The following LTAP1 variants were observed in gnomAD, a reference collection of about 807,000 sequenced individuals.
LTAP1 encodes the protein lipid transport auxiliary protein 1.
At chr1:154,214,192 G>A in the LTAP1 span, among the ~76,000 whole-genome samples, 1 of 152,152 alleles carries the variant, frequency 6.6e-6, no homozygotes, top group Non-Finnish European at 1.5e-5. Context: ...TAGAAGAATT[G>A]CTTGAACAAG....
the LTAP1 span, chr1:154,207,526 C>G: frequency 6.2e-7 from 1 of 1,614,212 alleles, no homozygotes; most frequent in African/African-American, 1.3e-5. Context: ...GGCACGTTTA[C>G]TCTTCTGACT....
the LTAP1 span, among the ~76,000 whole-genome samples, chr1:154,210,452 C>G: frequency 0.014 from 2,172 of 152,206 alleles, 33 homozygotes; most frequent in Non-Finnish European, 0.023. Flanking sequence ...TAGCAGAAAA[C>G]AGATTATTTT....
the LTAP1 span, among the ~76,000 whole-genome samples, chr1:154,218,120 T>A: frequency 7.9e-5 from 12 of 152,176 alleles, no homozygotes; most frequent in Non-Finnish European, 1.6e-4. Context: ...AAGTGGACAT[T>A]TGAATTAAGT....
chr1:154,212,502 CA>C, the LTAP1 span: 1 of 1,614,178 alleles, frequency 6.2e-7, no homozygotes. Flanking sequence ...AAAAGGGTAT[CA>C]ATGAGTGCTT....
chr1:154,215,097 G>C, the LTAP1 span, among the ~76,000 whole-genome samples: 1 of 151,912 alleles, frequency 6.6e-6, no homozygotes, highest in Admixed American at 6.6e-5. Context: ...CGCCTGCCTT[G>C]GCCTCCCAAA....
At chr1:154,207,826 C>T in the LTAP1 span, among the ~76,000 whole-genome samples, 3 of 152,078 alleles carry the variant, frequency 2.0e-5, no homozygotes, top group Non-Finnish European at 2.9e-5. Context: ...AGAGGCTGAG[C>T]GCGGTGGCTC....
At chr1:154,208,631 GTATGA>G in the LTAP1 span, 1 of 152,094 alleles carries the variant, frequency 6.6e-6, no homozygotes, top group South Asian at 2.1e-4. Flanking sequence ...TAATTAGCTT[GTATGA>G]GGTCACAAAA....
At chr1:154,220,290 T>C in the LTAP1 span, 1 of 1,600,276 alleles carries the variant, frequency 6.2e-7, no homozygotes, top group South Asian at 1.1e-5. Context: ...AAAAGGAGGG[T>C]CTCTACTGGG....
chr1:154,217,190 C>A, the LTAP1 span, among the ~76,000 whole-genome samples: 1 of 151,868 alleles, frequency 6.6e-6, no homozygotes, highest in South Asian at 2.1e-4. Flanking sequence ...CTCAGGTGAT[C>A]CACCTGCCTC....
the LTAP1 span, among the ~76,000 whole-genome samples, chr1:154,208,307 G>A: frequency 3.3e-5 from 5 of 152,004 alleles, no homozygotes; most frequent in Admixed American, 2.0e-4. Flanking sequence ...GAGGCAGGAG[G>A]ATCGCTTGAA....
chr1:154,220,239 G>A, the LTAP1 span: 1 of 1,388,930 alleles, frequency 7.2e-7, no homozygotes, highest in South Asian at 1.2e-5. Context: ...GCCCGGATAG[G>A]CGCAGGTGAG....
At chr1:154,215,757 A>G in the LTAP1 span, among the ~76,000 whole-genome samples, 1 of 152,306 alleles carries the variant, frequency 6.6e-6, no homozygotes. Context: ...ATAGATGTAC[A>G]TTTTAAATAA....
the LTAP1 span, among the ~76,000 whole-genome samples, chr1:154,209,733 C>G: frequency 6.6e-5 from 10 of 151,806 alleles, no homozygotes; most frequent in South Asian, 2.1e-3. Context: ...ACTACAGGCA[C>G]CCGCCACCAC....
chr1:154,213,901 C>G, the LTAP1 span: 1 of 1,612,726 alleles, frequency 6.2e-7, no homozygotes, highest in Non-Finnish European at 8.5e-7. Context: ...ACCAGAGGTA[C>G]GAATGGCATC....
the LTAP1 span, among the ~76,000 whole-genome samples, chr1:154,217,534 GTTTT>G: frequency 2.0e-5 from 3 of 151,672 alleles, no homozygotes; most frequent in Non-Finnish European, 4.4e-5. Flanking sequence ...ACTCAGCATG[GTTTT>G]TTTGTTTTTG....
At chr1:154,212,253 C>T in the LTAP1 span, 2 of 1,509,630 alleles carry the variant, frequency 1.3e-6, no homozygotes, top group East Asian at 4.5e-5. Flanking sequence ...ATGAAGGTCA[C>T]TGCACTGTGG....
At chr1:154,214,129 T>G in the LTAP1 span, among the ~76,000 whole-genome samples, 1 of 151,798 alleles carries the variant, frequency 6.6e-6, no homozygotes, top group African/African-American at 2.4e-5. Flanking sequence ...AACACAAAAT[T>G]AGCCAGGCGT....
chr1:154,210,580 C>T, the LTAP1 span, among the ~76,000 whole-genome samples: 1 of 151,896 alleles, frequency 6.6e-6, no homozygotes, highest in Non-Finnish European at 1.5e-5. Context: ...CAGGTTCAAG[C>T]GATTCTCCTG....
the LTAP1 span, chr1:154,220,020 A>G: frequency 1.1e-5 from 13 of 1,187,276 alleles, no homozygotes; most frequent in Middle Eastern, 2.2e-4. Context: ...CTTCATTCCA[A>G]ATCCCCAGAT....
Sources: gnomAD v4.1 joint callset for allele counts (sites outside exome capture counted in the v4.1 genomes callset) on GRCh38, gnomAD v4.1.1 for gene constraint, MANE v1.5 for transcripts, NCBI Gene and HGNC (gene_info 2026-07-23, HGNC 2026-07-21) for gene names.